The following GABRB3 variants were observed in gnomAD, a reference collection of about 807,000 sequenced individuals.
The protein encoded by GABRB3 is gamma-aminobutyric acid type A receptor subunit beta3.
GABRB3 carries 14 observed loss-of-function variants against 52.1 expected under a neutral mutation model. The ratio of observed to expected loss-of-function variants is 0.27; its 90% CI spans 0.18 to 0.42. The LOEUF (loss-of-function observed/expected upper bound fraction) is 0.42, where lower values mean the gene tolerates loss of function less well. Among genes scored for constraint, GABRB3 ranks in the 10% least tolerant of loss-of-function variants. The pLI is 1.00. For missense variants in GABRB3, 307 were observed against 609.1 expected (o/e 0.50, Z 5.22); for synonymous variants, 260 against 232.3 (o/e 1.12, Z -1.08).
At chr15:26,714,046 G>C (rs1889389921) in intron 3 of GABRB3, among the ~76,000 whole-genome samples, 1 of 152,212 alleles carries the variant, frequency 6.6e-6, no homozygotes, top group Non-Finnish European at 1.5e-5. Context: ...CCAGCAACGA[G>C]AACAATAATA....
chr15:26,579,050 C>T (rs960202686), intron 6 of GABRB3, among the ~76,000 whole-genome samples: 1 of 152,180 alleles, frequency 6.6e-6, no homozygotes, highest in Non-Finnish European at 1.5e-5. Context: ...AAAATTCAGG[C>T]TTTTCCATCT....
chr15:26,569,464 C>T (rs1170288816), intron 6 of GABRB3: 3 of 152,194 alleles, frequency 2.0e-5, no homozygotes, highest in African/African-American at 7.2e-5. Flanking sequence ...TTTGTAAACA[C>T]AATTTTCGAT....
chr15:26,729,612 G>C (rs2140148458), intron 3 of GABRB3, among the ~76,000 whole-genome samples: 1 of 152,264 alleles, frequency 6.6e-6, no homozygotes. Context: ...GATGTGGAGG[G>C]TGGGGAACAA....
At chr15:26,599,051 T>C (rs1891493831) in intron 4 of GABRB3, among the ~76,000 whole-genome samples, 2 of 152,012 alleles carry the variant, frequency 1.3e-5, no homozygotes, top group African/African-American at 2.4e-5. Flanking sequence ...CTAGACCAGC[T>C]TGACCCAGGA....
At chr15:26,751,930 A>C (rs952998837) in intron 3 of GABRB3, among the ~76,000 whole-genome samples, 1 of 152,240 alleles carries the variant, frequency 6.6e-6, no homozygotes, top group African/African-American at 2.4e-5. Flanking sequence ...GCAAGGAGGA[A>C]ACATGGGCTA....
intron 4 of GABRB3, among the ~76,000 whole-genome samples, chr15:26,602,323 C>G (rs1031179752): frequency 1.3e-5 from 2 of 152,106 alleles, no homozygotes; most frequent in Non-Finnish European, 2.9e-5. Flanking sequence ...AAGACTTCAA[C>G]AAGCCATGTT....
chr15:26,625,516 T>G (rs1892656405), intron 3 of GABRB3: 9 of 984,338 alleles, frequency 9.1e-6, no homozygotes, highest in South Asian at 9.4e-5. Context: ...TCTGTCAGAG[T>G]TTTGAATTCC....
chr15:26,736,950 A>G (rs1890080481), intron 3 of GABRB3, among the ~76,000 whole-genome samples: 1 of 152,148 alleles, frequency 6.6e-6, no homozygotes, highest in Non-Finnish European at 1.5e-5. Context: ...ATTTTCCACT[A>G]AGGAGGGCAG....
At chr15:26,613,285 C>T (rs1892139942) in intron 4 of GABRB3, 1 of 152,520 alleles carries the variant, frequency 6.6e-6, no homozygotes, top group Non-Finnish European at 1.5e-5. Context: ...GTAGTGCACA[C>T]CTGTAGTCCC....
At chr15:26,721,043 A>G (rs1379953955) in intron 3 of GABRB3, among the ~76,000 whole-genome samples, 2 of 151,934 alleles carry the variant, frequency 1.3e-5, no homozygotes, top group Admixed American at 6.6e-5. Context: ...CAAGGCTTTC[A>G]CCCTCCTCCA....
At chr15:26,552,926 C>A (rs148018268) in intron 8 of GABRB3, among the ~76,000 whole-genome samples, 13 of 152,154 alleles carry the variant, frequency 8.5e-5, no homozygotes, top group African/African-American at 3.1e-4. Flanking sequence ...GCTTGGTACC[C>A]CACCAAATAT....
chr15:26,686,540 A>G (rs932811544), intron 3 of GABRB3, among the ~76,000 whole-genome samples: 15 of 152,244 alleles, frequency 9.9e-5, no homozygotes, highest in African/African-American at 3.6e-4. Flanking sequence ...ATAGGTGTTG[A>G]CATCTCAGAG....
At chr15:26,725,235 C>T (rs1264652910) in intron 3 of GABRB3, among the ~76,000 whole-genome samples, 1 of 152,168 alleles carries the variant, frequency 6.6e-6, no homozygotes, top group East Asian at 1.9e-4. Context: ...TTTCAACTGA[C>T]TGAATATTTT....
intron 4 of GABRB3, among the ~76,000 whole-genome samples, chr15:26,598,877 C>T (rs1219708818): frequency 1.3e-5 from 2 of 152,206 alleles, no homozygotes; most frequent in Non-Finnish European, 2.9e-5. Context: ...ACCTCATATA[C>T]TAGCCACAAA....
chr15:26,726,189 TG>T (rs1469076114), intron 3 of GABRB3, among the ~76,000 whole-genome samples: 1 of 152,168 alleles, frequency 6.6e-6, no homozygotes, highest in African/African-American at 2.4e-5. Context: ...AGGTCAGATG[TG>T]AAATTTTCCA....
intron 3 of GABRB3, chr15:26,624,141 C>T: frequency 1.0e-6 from 1 of 957,628 alleles, no homozygotes; most frequent in Non-Finnish European, 1.2e-6. Context: ...GGACACTGGG[C>T]TGATGCAGAA....
chr15:26,583,786 T>A (rs1890874839), intron 4 of GABRB3, among the ~76,000 whole-genome samples: 1 of 151,366 alleles, frequency 6.6e-6, no homozygotes, highest in African/African-American at 2.4e-5. Flanking sequence ...CTATTTTTTT[T>A]TTTTTTTGAT....
At chr15:26,580,502 T>C (rs891409103) in intron 5 of GABRB3, 46 bp from the exon 6 acceptor site, 2 of 1,612,328 alleles carry the variant, frequency 1.2e-6, no homozygotes, top group Admixed American at 3.3e-5. Flanking sequence ...CCATTTCGTA[T>C]AAATGCACGG....
At chr15:26,698,797 C>A (rs1888831884) in intron 3 of GABRB3, among the ~76,000 whole-genome samples, 1 of 152,126 alleles carries the variant, frequency 6.6e-6, no homozygotes, top group Non-Finnish European at 1.5e-5. Flanking sequence ...CTGCACTCAG[C>A]TGTCAGAAAC....
Sources: allele counts gnomAD v4.1 joint callset (sites outside exome capture counted in the v4.1 genomes callset), GRCh38; gene constraint gnomAD v4.1.1; transcripts MANE v1.5; gene names NCBI Gene and HGNC (gene_info 2026-07-23, HGNC 2026-07-21).